ZNF469: variants seen among roughly 807,000 people sequenced by gnomAD.
ZNF469 encodes the protein zinc finger protein 469.
ZNF469 carries 1 observed loss-of-function variant against 1.0 expected under a neutral mutation model. The ratio of observed to expected loss-of-function variants is 1.00; its 90% confidence interval spans 0.35 to 4.73. The LOEUF (loss-of-function observed/expected upper bound fraction) is 4.73. ZNF469 is among the 30% of genes most tolerant of loss of function. ZNF469 has a pLI of 0.16. For missense variants in ZNF469, 6,100 were observed against 5,356.3 expected (o/e 1.14, Z -4.33); for synonymous variants, 2,703 against 2,363.4 (o/e 1.14, Z -4.17).
chr16:88,369,679 A>C, the ZNF469 span, among the ~76,000 whole-genome samples: 1 of 152,204 alleles, frequency 6.6e-6, no homozygotes, highest in Non-Finnish European at 1.5e-5. Context: ...GAGGGGCGAC[A>C]CTGTCCCCAC....
At chr16:88,193,021 G>GTGGTGATGGTGGTGA in the ZNF469 span, among the ~76,000 whole-genome samples, 1 of 119,188 alleles carries the variant, frequency 8.4e-6, no homozygotes, top group Non-Finnish European at 1.8e-5. Context: ...GATGGTGGTG[G>GTGGTGATGGTGGTGA]TGGTGATGGT....
chr16:88,235,160 C>T, the ZNF469 span, among the ~76,000 whole-genome samples: 7 of 152,304 alleles, frequency 4.6e-5, no homozygotes, highest in African/African-American at 1.2e-4. Flanking sequence ...GGTTTCATTT[C>T]GCACCGGGCC....
intron 1 of ZNF469, among the ~76,000 whole-genome samples, chr16:88,410,531 C>T (rs1364058000): frequency 6.0e-5 from 8 of 132,478 alleles, no homozygotes; most frequent in South Asian, 2.5e-4. Context: ...GAGAAGTTCA[C>T]GGTGCAGGTC....
At position 88,431,531 on chromosome 16, in the gene ZNF469, G is replaced by A; in HGVS notation, c.4061G>A (p.Cys1354Tyr). The change falls in exon 3 of 3, where the codon TGT becomes TAT. Residue 1354 changes from cysteine to tyrosine, a missense_variant. By Grantham distance (194) the Cys-to-Tyr change is radical. Coordinates refer to ENST00000565624, the MANE Select transcript of ZNF469 (RefSeq NM_001367624.2). The part of the protein sequence containing the change: ...VLSSKISSFG[C>Y]DPAGFNRDPL... ...TCTTCAAAGATCTCCAGTTTTGGCTGTGACCCTGCTGGTTTTAACAGAGAC... is the reference window on the plus strand; with the variant it reads ...TCTTCAAAGATCTCCAGTTTTGGCTATGACCCTGCTGGTTTTAACAGAGAC... The A allele has an allele frequency of 6.4e-7, 1 of 1,550,446 alleles. No homozygotes were observed. The highest frequency in any genetic ancestry group is 8.7e-7 in the Non-Finnish European group (1 of 1,146,996).
the ZNF469 span, among the ~76,000 whole-genome samples, chr16:88,196,760 C>G: frequency 6.6e-6 from 1 of 152,214 alleles, no homozygotes; most frequent in Non-Finnish European, 1.5e-5. Context: ...CAGAGCTCCA[C>G]CAACTGCTCA....
At chr16:88,354,674 C>T in the ZNF469 span, among the ~76,000 whole-genome samples, 1 of 152,200 alleles carries the variant, frequency 6.6e-6, no homozygotes, top group African/African-American at 2.4e-5. Context: ...AGGGTGCGCT[C>T]ATGTGTCTAA....
upstream of ZNF469, among the ~76,000 whole-genome samples, chr16:88,378,050 T>G (rs2092513656): frequency 6.6e-6 from 1 of 152,034 alleles, no homozygotes; most frequent in Non-Finnish European, 1.5e-5. Flanking sequence ...TGCACATACC[T>G]GTTATGTCCA....
Position 88,429,888 on chromosome 16 carries a change from G to A in ZNF469, c.2418G>A (p.Glu806=). Residue 806 remains glutamate (E), a synonymous_variant, in exon 3 of 3, where the codon GAG becomes GAA. Transcript: ENST00000565624. Reference sequence around the variant, plus strand: ...TGTTAGCTGGGGACGCCCAGGCCGAGGGCAAAGACGACCCCCTGAGGACAG... The same window carrying A: ...TGTTAGCTGGGGACGCCCAGGCCGAAGGCAAAGACGACCCCCTGAGGACAG... ...TFLLAGDAQA[E]GKDDPLRTGF... 3.9e-6 allele frequency: 6 copies of A among 1,550,240 alleles called. No homozygotes were observed. Among genetic ancestry groups the A allele is most frequent in the Non-Finnish European group, 5.2e-6 (6 of 1,146,924 alleles).
chr16:88,241,796 C>T, the ZNF469 span, among the ~76,000 whole-genome samples: 8 of 152,130 alleles, frequency 5.3e-5, no homozygotes, highest in Non-Finnish European at 1.2e-4. The surrounding 1 kb of genome is among the most constrained non-coding windows in gnomAD (Gnocchi z 4.8). Context: ...GGTGGAACAA[C>T]GTGCTCCCAG....
At chr16:88,230,183 G>T in the ZNF469 span, among the ~76,000 whole-genome samples, 8 of 152,220 alleles carry the variant, frequency 5.3e-5, no homozygotes, top group African/African-American at 1.9e-4. Flanking sequence ...TTCTAGTCCC[G>T]CTCGTGGTTT....
At chr16:88,392,853 G>A (rs8049712) in intron 1 of ZNF469, among the ~76,000 whole-genome samples, 4 of 152,088 alleles carry the variant, frequency 2.6e-5, no homozygotes, top group Non-Finnish European at 5.9e-5. Context: ...TCCCCGGCAG[G>A]TTCCCTCCCC....
the ZNF469 span, among the ~76,000 whole-genome samples, chr16:88,247,357 T>G: frequency 1.0e-5 from 1 of 100,474 alleles, no homozygotes; most frequent in African/African-American, 5.8e-5. Flanking sequence ...AGTGAATGAG[T>G]GAGTGAATGA....
the ZNF469 span, among the ~76,000 whole-genome samples, chr16:88,282,509 T>G: frequency 2.2e-4 from 34 of 152,272 alleles, no homozygotes; most frequent in African/African-American, 8.2e-4. Context: ...GTAATCATCC[T>G]TCAGATGCTC....
At chr16:88,335,357 G>T in the ZNF469 span, among the ~76,000 whole-genome samples, 2 of 152,226 alleles carry the variant, frequency 1.3e-5, no homozygotes, top group Admixed American at 6.5e-5. Flanking sequence ...CGCTCCACAT[G>T]GTGTGGATGA....
the ZNF469 span, among the ~76,000 whole-genome samples, chr16:88,279,484 G>A: frequency 6.2e-5 from 9 of 145,616 alleles, no homozygotes; most frequent in African/African-American, 1.5e-4. Context: ...GGTCAGTACC[G>A]TGTAGATATC....
At chr16:88,242,977 G>A in the ZNF469 span, among the ~76,000 whole-genome samples, 4 of 152,288 alleles carry the variant, frequency 2.6e-5, no homozygotes, top group South Asian at 6.2e-4. Context: ...TCAGCTCACC[G>A]AACCCCACAG....
At chr16:88,400,198 C>G (rs1269401075) in intron 1 of ZNF469, among the ~76,000 whole-genome samples, 9 of 152,254 alleles carry the variant, frequency 5.9e-5, no homozygotes, top group African/African-American at 1.9e-4. Flanking sequence ...AGGCTGGCAT[C>G]TGGATCAGCA....
the ZNF469 span, among the ~76,000 whole-genome samples, chr16:88,108,241 G>C: frequency 0.034 from 4,966 of 147,630 alleles, 114 homozygotes; most frequent in Non-Finnish European, 0.05. Flanking sequence ...ATGCGGGGAG[G>C]GGGGTCCATG....
chr16:88,262,594 G>C, the ZNF469 span, among the ~76,000 whole-genome samples: 1 of 152,176 alleles, frequency 6.6e-6, no homozygotes, highest in Non-Finnish European at 1.5e-5. This position sits in a 1 kb window ranked among gnomAD's most constrained non-coding sequence, Gnocchi z 4.3. Context: ...GGAGCCTGCA[G>C]AGTCCCAGCA....
Sources: allele counts gnomAD v4.1 joint callset (sites outside exome capture counted in the v4.1 genomes callset), GRCh38; gene constraint gnomAD v4.1.1; non-coding constraint Gnocchi (gnomAD v3.1); transcripts MANE v1.5; gene names NCBI Gene and HGNC (gene_info 2026-07-23, HGNC 2026-07-21).